The following TIPIN variants were observed in gnomAD, a reference collection of about 807,000 sequenced individuals.
TIPIN encodes TIMELESS-interacting protein.
TIPIN carries 29 observed loss-of-function variants against 35.6 expected under a neutral mutation model. That is an observed-to-expected ratio of 0.82 (90% CI 0.61 to 1.11). The LOEUF (loss-of-function observed/expected upper bound fraction) is 1.11, where lower values mean the gene tolerates loss of function less well. Ranked by LOEUF, TIPIN falls within the 50% of genes most tolerant of loss-of-function variation. The pLI, the probability that TIPIN is intolerant of heterozygous loss-of-function variation, is 0.00. For missense variants in TIPIN, 296 were observed against 345.4 expected (o/e 0.86, Z 1.13); for synonymous variants, 102 against 121.5 (o/e 0.84, Z 1.06).
chr15:66,365,962 A>G (rs903864178), intron 1 of TIPIN, among the ~76,000 whole-genome samples: 1 of 152,118 alleles, frequency 6.6e-6, no homozygotes, highest in African/African-American at 2.4e-5. Flanking sequence ...CTTGGGGTCT[A>G]AATTAAGACT....
chr15:66,379,937 G>A, intron 1 of TIPIN: 4 of 1,176,950 alleles, frequency 3.4e-6, no homozygotes, highest in Non-Finnish European at 3.6e-6. Flanking sequence ...ACACGGCAAA[G>A]GACCTGGAAT....
At chr15:66,341,102 G>C (rs1386513581) in intron 7 of TIPIN, 48 bp downstream of exon 7, 24 of 1,548,784 alleles carry the variant, frequency 1.5e-5, no homozygotes, top group Non-Finnish European at 2.1e-5. Context: ...TTTCTAACAT[G>C]TCCTTGATAT....
chr15:66,343,035 A>G (rs1235328487), intron 6 of TIPIN, among the ~76,000 whole-genome samples: 1 of 152,254 alleles, frequency 6.6e-6, no homozygotes, highest in Non-Finnish European at 1.5e-5. Flanking sequence ...GGCAAGATCC[A>G]TATTGTAAAA....
chr15:66,373,684 CT>C (rs1015097588), intron 1 of TIPIN, among the ~76,000 whole-genome samples: 1 of 151,686 alleles, frequency 6.6e-6, no homozygotes, highest in Non-Finnish European at 1.5e-5. Context: ...TTGTCTTTTT[CT>C]TTTTTTATTA....
At chr15:66,346,327 T>C (rs947254635) in intron 6 of TIPIN, among the ~76,000 whole-genome samples, 1 of 150,834 alleles carries the variant, frequency 6.6e-6, no homozygotes, top group Non-Finnish European at 1.5e-5. Context: ...CACCTCTGCA[T>C]AGATGGCTCC....
At chr15:66,347,150 C>T in intron 6 of TIPIN, 1 of 464,712 alleles carries the variant, frequency 2.2e-6, no homozygotes, top group South Asian at 1.6e-5. Flanking sequence ...TTAGGGTATT[C>T]TACATGGAAC....
In TIPIN at chr15:66,350,827, C is replaced by T. The variant is rs1264172543; in HGVS notation, c.288+698G>A. On this transcript the variant is annotated intron_variant, in intron 4 of 7. Coordinates refer to ENST00000261881, the MANE Select transcript of TIPIN (RefSeq NM_017858.3). ...GCGGGCGCCTGTAGTCCCAGCTACTCGGGAGGCTAAGGCAGGAGAATGGCG... is the reference window on the plus strand; with the variant it reads ...GCGGGCGCCTGTAGTCCCAGCTACTTGGGAGGCTAAGGCAGGAGAATGGCG... Among the ~76,000 whole-genome samples, 4 of 147,554 alleles carry T rather than the reference C, an allele frequency of 2.7e-5. No homozygotes were observed. In the East Asian group the frequency reaches 6.1e-4, roughly 22 times the overall value.
At chr15:66,371,466 A>T (rs1263262033) in intron 1 of TIPIN, 4 of 860,196 alleles carry the variant, frequency 4.7e-6, no homozygotes, top group Non-Finnish European at 5.6e-6. Flanking sequence ...TTCTGGGAAA[A>T]AAAAAGTTTT....
chr15:66,364,816 A>T (rs1286681412), intron 1 of TIPIN, among the ~76,000 whole-genome samples: 5 of 151,830 alleles, frequency 3.3e-5, no homozygotes, highest in Non-Finnish European at 1.5e-5. Flanking sequence ...AAATACAAAA[A>T]TTAGCTGGGT....
intron 1 of TIPIN, among the ~76,000 whole-genome samples, chr15:66,362,330 T>G (rs558891472): frequency 1.3e-5 from 2 of 151,790 alleles, no homozygotes; most frequent in Admixed American, 1.3e-4. Flanking sequence ...GAAGAAGACT[T>G]TTGAAAGACC....
intron 4 of TIPIN, among the ~76,000 whole-genome samples, chr15:66,349,918 C>A (rs2093155409): frequency 6.6e-6 from 1 of 151,790 alleles, no homozygotes; most frequent in Non-Finnish European, 1.5e-5. Context: ...TAGAGGACTG[C>A]AGTCTAAAAG....
chr15:66,364,169 T>C (rs2093243780), intron 1 of TIPIN, among the ~76,000 whole-genome samples: 1 of 138,056 alleles, frequency 7.2e-6, no homozygotes. Context: ...TTTTTTTTTT[T>C]TTTTTTTTTT....
intron 1 of TIPIN, chr15:66,379,515 C>T: frequency 6.2e-7 from 1 of 1,610,024 alleles, no homozygotes; most frequent in Non-Finnish European, 8.5e-7. Flanking sequence ...AGATACTGAA[C>T]AAGCAACACC....
In TIPIN at chr15:66,352,913, A is replaced by G. The variant is rs138329708; in HGVS notation, c.35T>C (p.Leu12Pro). ...ATCTTCTACATGCTCATAATCTGGT[A>G]GGTCAATCACGCCATTCTCCTGTGG... is the stretch of plus-strand genomic sequence containing the variant. ...LEPQENGVID[L>P]PDYEHVEDET... The change falls in exon 2 of 8, where the codon CTA becomes CCA. Residue 12 changes from leucine (L) to proline (P), a missense_variant. By Grantham distance (98) the Leu-to-Pro change is moderately conservative (BLOSUM62 -3). Coordinates refer to ENST00000261881, the MANE Select transcript of TIPIN (RefSeq NM_017858.3). 4.3e-6 allele frequency: 7 copies of G among 1,614,130 alleles called. No individual in the cohort carries two copies. The African/African-American group carries it at 8.0e-5, about 18-fold the overall frequency.
intron 1 of TIPIN, among the ~76,000 whole-genome samples, chr15:66,379,058 GT>G (rs961169705): frequency 1.6e-4 from 23 of 147,140 alleles, no homozygotes; most frequent in Middle Eastern, 3.5e-3. Flanking sequence ...CGTGCACAAA[GT>G]TTTTTTTTTT....
chr15:66,346,058 T>C (rs903156039), intron 6 of TIPIN, among the ~76,000 whole-genome samples: 6 of 151,994 alleles, frequency 3.9e-5, no homozygotes, highest in African/African-American at 9.7e-5. Flanking sequence ...GCAATTCTAC[T>C]GCCTTAGCCT....
At chr15:66,371,248 C>T (rs1456351900) in intron 1 of TIPIN, 1 of 983,930 alleles carries the variant, frequency 1.0e-6, no homozygotes, top group African/African-American at 1.8e-5. Context: ...CTTTCTACTA[C>T]CTGTTGTATA....
chr15:66,358,412 C>T (rs938029877), upstream of TIPIN, among the ~76,000 whole-genome samples: 1 of 151,774 alleles, frequency 6.6e-6, no homozygotes. Flanking sequence ...ATTCTCTCCA[C>T]TTTTCTTTCT....
chr15:66,349,610 G>A (rs1179661904), intron 4 of TIPIN, among the ~76,000 whole-genome samples, 173 bp from the exon 5 acceptor site: 1 of 152,112 alleles, frequency 6.6e-6, no homozygotes, highest in Non-Finnish European at 1.5e-5. Flanking sequence ...CAGACACAGT[G>A]GTTCACACCT....
Sources: allele counts gnomAD v4.1 joint callset (sites outside exome capture counted in the v4.1 genomes callset), GRCh38; gene constraint gnomAD v4.1.1; transcripts MANE v1.5; gene names NCBI Gene and HGNC (gene_info 2026-07-23, HGNC 2026-07-21).